The following ESR1 variants were observed in gnomAD, a reference collection of about 807,000 sequenced individuals.
ESR1 encodes the protein estrogen receptor.
ESR1 carries 12 observed loss-of-function variants against 52.7 expected under a neutral mutation model. The observed-to-expected ratio is 0.23, with a 90% CI of 0.15 to 0.37. The LOEUF (loss-of-function observed/expected upper bound fraction) is 0.37, where lower values mean the gene tolerates loss of function less well. ESR1 is among the 10% of genes least tolerant of loss of function. The pLI, the probability that ESR1 is intolerant of heterozygous loss-of-function variation, is 1.00. For synonymous variants in ESR1, 305 were observed against 316.8 expected (o/e 0.96, Z 0.39); for missense variants, 584 against 779.7 (o/e 0.75, Z 2.99).
chr6:151,877,349 G>A (rs1484790776), intron 2 of ESR1, among the ~76,000 whole-genome samples: 3 of 152,146 alleles, frequency 2.0e-5, no homozygotes, highest in South Asian at 4.1e-4. Context: ...TTCTTCTGAC[G>A]TGAGCTGAAG....
chr6:151,746,775 T>C (rs140890104), intron 2 of ESR1, among the ~76,000 whole-genome samples: 2,020 of 152,344 alleles, frequency 0.013, 24 homozygotes, highest in Non-Finnish European at 0.018. Flanking sequence ...GGTAGAATAG[T>C]GGTCAAGAGC....
intron 1 of ESR1, among the ~76,000 whole-genome samples, chr6:151,834,663 C>T (rs994945826): frequency 7.9e-5 from 12 of 151,654 alleles, no homozygotes; most frequent in African/African-American, 2.4e-4. Flanking sequence ...CAAACTTGCA[C>T]ATTCTGCACA....
intron 3 of ESR1, among the ~76,000 whole-genome samples, chr6:151,938,503 A>C (rs2128505547): frequency 6.6e-6 from 1 of 152,336 alleles, no homozygotes; most frequent in Non-Finnish European, 1.5e-5. Context: ...TTATTTAAGC[A>C]GTTGATGTGT....
intron 5 of ESR1, among the ~76,000 whole-genome samples, chr6:152,024,199 T>A (rs1447453259): frequency 1.3e-5 from 2 of 152,188 alleles, no homozygotes; most frequent in African/African-American, 4.8e-5. Context: ...TGTAGTCTTG[T>A]CTTTTTCTAA....
chr6:151,827,340 G>T (rs1781666294), intron 1 of ESR1, among the ~76,000 whole-genome samples: 1 of 120,960 alleles, frequency 8.3e-6, no homozygotes, highest in African/African-American at 3.7e-5. Flanking sequence ...GCGAGACCCT[G>T]TCTCAAAAAA....
chr6:151,998,724 T>A (rs1036745758), intron 4 of ESR1, among the ~76,000 whole-genome samples: 2 of 152,172 alleles, frequency 1.3e-5, no homozygotes, highest in African/African-American at 4.8e-5. Context: ...AATTCTCATA[T>A]GTTTGGTTAC....
At chr6:152,020,651 A>G (rs2043564693) in intron 5 of ESR1, among the ~76,000 whole-genome samples, 1 of 152,056 alleles carries the variant, frequency 6.6e-6, no homozygotes, top group Admixed American at 6.5e-5. Flanking sequence ...GGGTTTTGCC[A>G]CGTTGGCCAG....
chr6:151,837,651 C>A (rs1463321553), intron 1 of ESR1, among the ~76,000 whole-genome samples: 1 of 152,176 alleles, frequency 6.6e-6, no homozygotes, highest in East Asian at 1.9e-4. Flanking sequence ...ATCTTCAGCT[C>A]TATTTCTTTC....
chr6:151,789,664 G>C (rs1376736279), intron 2 of ESR1, among the ~76,000 whole-genome samples: 1 of 152,092 alleles, frequency 6.6e-6, no homozygotes, highest in Non-Finnish European at 1.5e-5. Flanking sequence ...AAGACTTTCT[G>C]GTCATTTCTA....
At chr6:151,898,384 A>ATTTTTTTTTTTTTTTCTT (rs1795885227) in intron 3 of ESR1, among the ~76,000 whole-genome samples, 1 of 101,216 alleles carries the variant, frequency 9.9e-6, no homozygotes, top group Non-Finnish European at 2.2e-5. Context: ...GGTTTTGTTC[A>ATTTTTTTTTTTTTTTCTT]TTTTTTTTTT....
chr6:151,776,527 A>G (rs558270834), intron 2 of ESR1, among the ~76,000 whole-genome samples: 1 of 152,312 alleles, frequency 6.6e-6, no homozygotes, highest in African/African-American at 2.4e-5. Context: ...GCAGGGATAG[A>G]ACGTTGCATT....
chr6:151,944,129 C>A (rs141738041), intron 3 of ESR1, 44 bp from the exon 4 acceptor site: 2 of 1,550,256 alleles, frequency 1.3e-6, no homozygotes, highest in Non-Finnish European at 8.9e-7. Flanking sequence ...AAAGTTTACA[C>A]GGGAAAAAAA....
At chr6:152,052,721 T>C (rs1482312126) in intron 5 of ESR1, among the ~76,000 whole-genome samples, 2 of 152,030 alleles carry the variant, frequency 1.3e-5, no homozygotes, top group African/African-American at 4.8e-5. Context: ...GGACCCAATC[T>C]GTGCCTTGAA....
At chr6:151,988,952 AC>A (rs1346252639) in intron 4 of ESR1, among the ~76,000 whole-genome samples, 1 of 152,118 alleles carries the variant, frequency 6.6e-6, no homozygotes, top group Non-Finnish European at 1.5e-5. Flanking sequence ...TTAAAAGATT[AC>A]ACACTGGCAT....
chr6:151,767,161 G>A (rs769755676), intron 2 of ESR1, among the ~76,000 whole-genome samples: 2 of 152,068 alleles, frequency 1.3e-5, no homozygotes, highest in African/African-American at 2.4e-5. Context: ...TTCAGTACTT[G>A]TCTCTCTTCT....
In ESR1 at chr6:151,903,552, G is replaced by C. The variant is rs772961721; in HGVS notation, c.760+22781G>C. Among the ~76,000 whole-genome samples, 147 of 152,276 alleles carry C rather than the reference G, an allele frequency of 9.7e-4. No homozygotes were observed. The Middle Eastern group carries it at 0.014, about 14-fold the overall frequency. On this transcript the variant is annotated intron_variant, in intron 3 of 7. Coordinates refer to ENST00000206249, the MANE Select transcript of ESR1 (RefSeq NM_000125.4). ...CCCATCTACACTAGGCTTTCATTTT[G>C]GACTTCTAAGTCCTTTACTTGACCA...
chr6:152,083,363 GA>G (rs930381398), intron 6 of ESR1, among the ~76,000 whole-genome samples: 6 of 152,220 alleles, frequency 3.9e-5, no homozygotes, highest in Admixed American at 3.9e-4. Flanking sequence ...AAGAAATGGG[GA>G]AAGGATTCCC....
chr6:151,898,236 G>C (rs2128392761), intron 3 of ESR1, among the ~76,000 whole-genome samples: 1 of 152,154 alleles, frequency 6.6e-6, no homozygotes, highest in East Asian at 1.9e-4. Flanking sequence ...TGGATGTCTA[G>C]GTCTCTAATA....
In ESR1 at chr6:151,949,198, C is replaced by T. The variant is rs543291544; in HGVS notation, c.1096+4690C>T. ...ACAGCTAGAGAAATATGGAGCCATG[C>T]GCTCTGAGGACTTTAGCAGGCTTCA... is the stretch of plus-strand genomic sequence containing the variant. On this transcript the variant is annotated intron_variant, in intron 4 of 7. Transcript: ENST00000206249. Among the ~76,000 whole-genome samples the T allele has an allele frequency of 1.4e-4, 22 of 152,270 alleles. No homozygotes were observed. In the South Asian group the frequency reaches 1.4e-3, roughly 10 times the overall value.
Sources: gnomAD v4.1 joint callset for allele counts (sites outside exome capture counted in the v4.1 genomes callset) on GRCh38, gnomAD v4.1.1 for gene constraint, MANE v1.5 for transcripts, NCBI Gene and HGNC (gene_info 2026-07-23, HGNC 2026-07-21) for gene names.